DDHD1: variants seen among roughly 807,000 people sequenced by gnomAD.
DDHD1 encodes DDHD domain containing 1, also known as phospholipase DDHD1.
DDHD1 carries 49 observed loss-of-function variants against 96.4 expected under a neutral mutation model. That is an observed-to-expected ratio of 0.51 (90% CI 0.40 to 0.64). The LOEUF is 0.64. Ranked by LOEUF, DDHD1 falls within the 30% of genes least tolerant of loss-of-function variation. The pLI, the probability that DDHD1 is intolerant of heterozygous loss-of-function variation, is 0.00. For missense variants in DDHD1, 1,106 were observed against 1,161.2 expected (o/e 0.95, Z 0.69); for synonymous variants, 442 against 446.5 (o/e 0.99, Z 0.13).
intron 4 of DDHD1, among the ~76,000 whole-genome samples, chr14:53,091,568 A>G (rs1886430650): frequency 6.6e-6 from 1 of 152,212 alleles, no homozygotes; most frequent in Non-Finnish European, 1.5e-5. Context: ...CCTCTTCTCC[A>G]TACTGTGGGG....
rs1887495443 is a variant in DDHD1, at chr14:53,103,859, G to GA, written c.839-4dup. On this transcript the variant is annotated splice_region_variant and splice_polypyrimidine_tract_variant and intron_variant, in intron 1 of 12. Coordinates refer to ENST00000673822, the MANE Select transcript of DDHD1 (RefSeq NM_001160148.2). ...CATTACTGGTATTTTATCAGCCTCTGAAAAAGAGAAATCACAGAATTATAC... is the reference window on the plus strand; with the variant it reads ...CATTACTGGTATTTTATCAGCCTCTGAAAAAAGAGAAATCACAGAATTATAC... 1 of 1,585,340 alleles carries GA rather than the reference G, an allele frequency of 6.3e-7. No individual in the cohort carries two copies. Among genetic ancestry groups the GA allele is most frequent in the African/African-American group, 1.4e-5 (1 of 72,944 alleles).
intron 1 of DDHD1, among the ~76,000 whole-genome samples, chr14:53,130,983 C>T (rs1366070199): frequency 6.6e-6 from 1 of 152,168 alleles, no homozygotes; most frequent in African/African-American, 2.4e-5. Flanking sequence ...TACCCACTCC[C>T]CATTACCTTC....
intron 6 of DDHD1, among the ~76,000 whole-genome samples, chr14:53,068,841 C>T (rs1884273555): frequency 6.6e-6 from 1 of 152,126 alleles, no homozygotes; most frequent in South Asian, 2.1e-4. Context: ...CATCAAAATA[C>T]TGCCTTCAAT....
chr14:53,152,123 C>CGTGT, intron 1 of DDHD1, 138 bp downstream of exon 1: 2 of 842,082 alleles, frequency 2.4e-6, no homozygotes, highest in South Asian at 2.4e-5. Flanking sequence ...GCTCCCTGCT[C>CGTGT]AATCTCCATC....
At chr14:53,130,716 G>A (rs972094069) in intron 1 of DDHD1, among the ~76,000 whole-genome samples, 15 of 152,144 alleles carry the variant, frequency 9.9e-5, no homozygotes, top group South Asian at 4.1e-4. Context: ...CCCGCAGCCC[G>A]GGATTCCTCG....
At chr14:53,085,724 A>C (rs1885887400) in intron 4 of DDHD1, among the ~76,000 whole-genome samples, 1 of 152,166 alleles carries the variant, frequency 6.6e-6, no homozygotes, top group African/African-American at 2.4e-5. Flanking sequence ...AAATTCTAAA[A>C]CCCAGAGCAC....
intron 2 of DDHD1, chr14:53,093,670 T>C: frequency 2.2e-6 from 1 of 465,072 alleles, no homozygotes; most frequent in Non-Finnish European, 3.7e-6. Flanking sequence ...ATGGCAACTT[T>C]TTAAACCATT....
At chr14:53,084,583 T>C (rs1451188867) in intron 4 of DDHD1, among the ~76,000 whole-genome samples, 3 of 152,342 alleles carry the variant, frequency 2.0e-5, no homozygotes, top group South Asian at 4.1e-4. Context: ...GCTATGGACA[T>C]TGAAAAGGAT....
chr14:53,118,443 T>C (rs973900728), intron 1 of DDHD1, among the ~76,000 whole-genome samples: 1 of 151,962 alleles, frequency 6.6e-6, no homozygotes, highest in African/African-American at 2.4e-5. Context: ...CTAACAAGAA[T>C]AAACAGTGTA....
intron 1 of DDHD1, among the ~76,000 whole-genome samples, chr14:53,110,030 T>A (rs1887991697): frequency 6.6e-6 from 1 of 152,138 alleles, no homozygotes; most frequent in Non-Finnish European, 1.5e-5. Flanking sequence ...CACACACCCA[T>A]TTTTCCACCT....
chr14:53,058,789 C>T (rs1883288798), intron 8 of DDHD1, among the ~76,000 whole-genome samples, 163 bp from the exon 9 acceptor site: 1 of 152,112 alleles, frequency 6.6e-6, no homozygotes, highest in Admixed American at 6.5e-5. Context: ...AACCATTAAC[C>T]ATTCTAGAAT....
At chr14:53,142,524 A>G (rs1268001816) in intron 1 of DDHD1, among the ~76,000 whole-genome samples, 1 of 151,658 alleles carries the variant, frequency 6.6e-6, no homozygotes, top group Admixed American at 6.6e-5. Context: ...GCAGTCTTTT[A>G]GAAAACTGTA....
intron 9 of DDHD1, among the ~76,000 whole-genome samples, chr14:53,057,414 AT>A (rs907756927): frequency 2.6e-5 from 4 of 152,208 alleles, no homozygotes; most frequent in Non-Finnish European, 5.9e-5. Context: ...ATTAAAAAAA[AT>A]ATTTACAGCA....
Position 53,058,482 on chromosome 14 carries a change from G to A in DDHD1, c.1987C>T (p.Pro663Ser). ...GAGTCTATATTGCAACTCACCACTGGATCTGTAGGATGAAAAATATTTAGT... is the reference window on the plus strand; with the variant it reads ...GAGTCTATATTGCAACTCACCACTGAATCTGTAGGATGAAAAATATTTAGT... Reference protein sequence around the residue: ...RLLNIFHPTDPVAYRLEPLIL... With the variant: ...RLLNIFHPTDSVAYRLEPLIL... The change falls in exon 9 of 13, where the codon CCA becomes TCA. Residue 663 changes from proline to serine, a missense_variant. Physicochemically the swap from Pro to Ser is moderately conservative, Grantham distance 74. Around this residue, in one of 2 missense-constraint regions of DDHD1, gnomAD observed 650 missense variants for 758.8 expected, o/e 0.86. Transcript: ENST00000673822. The A allele has an allele frequency of 6.2e-7, 1 of 1,610,342 alleles. No individual in the cohort carries two copies. The highest frequency in any genetic ancestry group is 8.5e-7 in the Non-Finnish European group (1 of 1,179,000).
intron 1 of DDHD1, among the ~76,000 whole-genome samples, chr14:53,117,053 G>C: frequency 6.6e-6 from 1 of 151,918 alleles, no homozygotes; most frequent in Non-Finnish European, 1.5e-5. Flanking sequence ...GAATCAAATA[G>C]GCACATGAAA....
intron 12 of DDHD1, among the ~76,000 whole-genome samples, chr14:53,050,815 T>G (rs1882477917): frequency 6.6e-6 from 1 of 152,132 alleles, no homozygotes; most frequent in Non-Finnish European, 1.5e-5. Context: ...CAGGTTTAAC[T>G]ACTTAGGTAG....
chr14:53,148,795 G>C (rs920446190), intron 1 of DDHD1, among the ~76,000 whole-genome samples: 4 of 152,154 alleles, frequency 2.6e-5, no homozygotes, highest in African/African-American at 9.7e-5. Context: ...CTGTGCACTG[G>C]TTAACCTTAC....
chr14:53,106,197 C>CT (rs770907360), intron 1 of DDHD1, among the ~76,000 whole-genome samples: 8 of 152,166 alleles, frequency 5.3e-5, no homozygotes, highest in Non-Finnish European at 1.0e-4. Flanking sequence ...GTCCCCAACA[C>CT]TGTTTTAAGT....
chr14:53,111,160 A>G lies in DDHD1; in HGVS notation c.839-7304T>C, dbSNP rs896595040. On this transcript the variant is annotated intron_variant, in intron 1 of 12. Coordinates refer to ENST00000673822, the MANE Select transcript of DDHD1 (RefSeq NM_001160148.2). ...GTGTGAGTAGGAATACATTCGCAATAAAGATATTTATGTGGCCGGGCGCGG... is the reference window on the plus strand; with the variant it reads ...GTGTGAGTAGGAATACATTCGCAATGAAGATATTTATGTGGCCGGGCGCGG... Among the ~76,000 whole-genome samples the G allele has an allele frequency of 2.0e-5, 3 of 152,312 alleles. No individual in the cohort carries two copies. The East Asian group carries it at 5.8e-4, about 29-fold the overall frequency.
Sources: allele counts gnomAD v4.1 joint callset (sites outside exome capture counted in the v4.1 genomes callset), GRCh38; gene constraint gnomAD v4.1.1; regional missense constraint gnomAD v4.1.1; transcripts MANE v1.5; gene names NCBI Gene and HGNC (gene_info 2026-07-23, HGNC 2026-07-21).